GAB2: variants seen among roughly 807,000 people sequenced by gnomAD.
The protein encoded by GAB2 is GRB2-associated-binding protein 2.
In GAB2, 26 loss-of-function variants were observed where a neutral mutation model predicts 65.5. The ratio of observed to expected loss-of-function variants is 0.40; its 90% CI spans 0.29 to 0.55. The LOEUF is 0.55. Among genes scored for constraint, GAB2 ranks in the 20% least tolerant of loss-of-function variants. The pLI is 0.53. For missense variants in GAB2, 884 were observed against 875.8 expected, an observed-to-expected ratio of 1.01 and a Z score of -0.12; for synonymous variants, 321 against 329.6, an observed-to-expected ratio of 0.97 and a Z score of 0.28.
intron 1 of GAB2, among the ~76,000 whole-genome samples, chr11:78,383,356 T>C (rs1312114707): frequency 3.3e-5 from 5 of 151,954 alleles, no homozygotes; most frequent in Admixed American, 3.3e-4. Context: ...ACCATTTCCA[T>C]GAAAAGTAGG....
intron 1 of GAB2, among the ~76,000 whole-genome samples, chr11:78,381,574 G>C (rs1216014686): frequency 6.6e-6 from 1 of 151,736 alleles, no homozygotes; most frequent in African/African-American, 2.4e-5. Context: ...TGGTAAAAAA[G>C]GTTCTTCTTT....
intron 3 of GAB2, among the ~76,000 whole-genome samples, chr11:78,230,919 G>C (rs1292373593): frequency 2.0e-5 from 3 of 152,210 alleles, no homozygotes; most frequent in Admixed American, 6.5e-5. Context: ...GTGTCACTGT[G>C]ATGACCTGAG....
At chr11:78,406,539 G>C (rs991437382) in intron 1 of GAB2, among the ~76,000 whole-genome samples, 8 of 152,058 alleles carry the variant, frequency 5.3e-5, no homozygotes, top group African/African-American at 1.9e-4. Context: ...CACCATGCCT[G>C]GGTAATTTTT....
intron 1 of GAB2, among the ~76,000 whole-genome samples, chr11:78,314,511 A>G (rs1473287833): frequency 6.6e-6 from 1 of 152,186 alleles, no homozygotes; most frequent in Non-Finnish European, 1.5e-5. Flanking sequence ...TAGTTATGTG[A>G]TTTCAGCCAA....
At chr11:78,261,827 T>G (rs1336892427) in intron 2 of GAB2, among the ~76,000 whole-genome samples, 4 of 152,318 alleles carry the variant, frequency 2.6e-5, no homozygotes. Context: ...CCGAGGAACT[T>G]TGGGAACCCA....
At chr11:78,318,510 G>T (rs1855661025) in intron 1 of GAB2, among the ~76,000 whole-genome samples, 1 of 152,002 alleles carries the variant, frequency 6.6e-6, no homozygotes, top group Non-Finnish European at 1.5e-5. Context: ...CATAGATGAG[G>T]ATAGATTAAG....
intron 1 of GAB2, among the ~76,000 whole-genome samples, chr11:78,382,303 G>A (rs866814951): frequency 6.6e-6 from 1 of 152,026 alleles, no homozygotes; most frequent in African/African-American, 2.4e-5. Flanking sequence ...CCAGTGAGAG[G>A]CATCCTGTAG....
intron 2 of GAB2, among the ~76,000 whole-genome samples, chr11:78,279,847 T>C (rs1447975855): frequency 1.1e-4 from 16 of 152,224 alleles, no homozygotes; most frequent in Admixed American, 9.2e-4. Flanking sequence ...TTATGAATAA[T>C]ACTGCTGTGA....
intron 3 of GAB2, among the ~76,000 whole-genome samples, chr11:78,233,478 C>T (rs978073028): frequency 9.9e-5 from 15 of 152,086 alleles, no homozygotes; most frequent in African/African-American, 3.6e-4. Flanking sequence ...AGAATCTATT[C>T]ACATTTTTTG....
chr11:78,368,099 A>G (rs1023923458), intron 1 of GAB2, among the ~76,000 whole-genome samples: 4 of 151,844 alleles, frequency 2.6e-5, no homozygotes, highest in African/African-American at 9.7e-5. Flanking sequence ...TACAGGCGTG[A>G]GCCACTGCGC....
At chr11:78,322,180 C>T (rs1324497698) in intron 1 of GAB2, among the ~76,000 whole-genome samples, 5 of 151,254 alleles carry the variant, frequency 3.3e-5, no homozygotes, top group African/African-American at 7.3e-5. Flanking sequence ...TGGTACGTGC[C>T]TGTAATCCCA....
intron 1 of GAB2, among the ~76,000 whole-genome samples, chr11:78,335,292 A>G (rs562735539): frequency 2.6e-5 from 4 of 152,186 alleles, no homozygotes; most frequent in Non-Finnish European, 5.9e-5. Context: ...GTGCTTGTGG[A>G]GTTACCACTT....
chr11:78,392,728 C>T (rs1052221171), intron 1 of GAB2, among the ~76,000 whole-genome samples: 3 of 152,130 alleles, frequency 2.0e-5, no homozygotes, highest in East Asian at 1.9e-4. Flanking sequence ...CACCTTACCT[C>T]GACATTCATG....
intron 2 of GAB2, among the ~76,000 whole-genome samples, chr11:78,264,053 C>G (rs758189537): frequency 1.3e-5 from 2 of 152,112 alleles, no homozygotes; most frequent in Non-Finnish European, 2.9e-5. Flanking sequence ...AACATTGTAA[C>G]TGAAAAAGGT....
chr11:78,313,953 A>G (rs946759606), intron 1 of GAB2, among the ~76,000 whole-genome samples: 9 of 152,228 alleles, frequency 5.9e-5, no homozygotes, highest in Non-Finnish European at 1.3e-4. Context: ...CTACAGAAAG[A>G]GTAATGGAAA....
chr11:78,301,622 C>T (rs561585817), intron 1 of GAB2, among the ~76,000 whole-genome samples: 92 of 152,284 alleles, frequency 6.0e-4, no homozygotes, highest in African/African-American at 2.0e-3. Flanking sequence ...CGTGAGCCAC[C>T]GTACCCAGTC....
intron 2 of GAB2, among the ~76,000 whole-genome samples, chr11:78,269,382 G>C (rs976013341): frequency 3.3e-5 from 5 of 152,202 alleles, no homozygotes; most frequent in African/African-American, 9.6e-5. Flanking sequence ...GAAAGAGTAA[G>C]GTCTCTGAGC....
chr11:78,225,791 C>G (rs1379840128), intron 4 of GAB2, among the ~76,000 whole-genome samples: 1 of 152,170 alleles, frequency 6.6e-6, no homozygotes, highest in African/African-American at 2.4e-5. Flanking sequence ...GAGATGGAGA[C>G]AAGGAGGTTT....
At chr11:78,401,544 GTGTC>G (rs1856973424) in intron 1 of GAB2, among the ~76,000 whole-genome samples, 2 of 149,216 alleles carry the variant, frequency 1.3e-5, no homozygotes, top group Admixed American at 6.7e-5. Flanking sequence ...GTGTGTGTGT[GTGTC>G]TGGCTCCTTT....
Sources: gnomAD v4.1 joint callset for allele counts (sites outside exome capture counted in the v4.1 genomes callset) on GRCh38, gnomAD v4.1.1 for gene constraint, MANE v1.5 for transcripts, NCBI Gene and HGNC (gene_info 2026-07-23, HGNC 2026-07-21) for gene names.